Variants in GPHN observed in about 807,000 individuals in gnomAD.
GPHN encodes the protein gephyrin.
In GPHN, 17 loss-of-function variants were observed where a neutral mutation model predicts 95.5. The observed-to-expected ratio is 0.18, with a 90% CI of 0.12 to 0.27. GPHN has a LOEUF of 0.27. Among genes scored for constraint, GPHN ranks in the 10% least tolerant of loss-of-function variants. The pLI is 1.00. For missense variants in GPHN, 660 were observed against 978.1 expected, an observed-to-expected ratio of 0.67 and a Z score of 4.34; for synonymous variants, 320 against 322.5, an observed-to-expected ratio of 0.99 and a Z score of 0.08.
At chr14:66,997,891 T>C (rs1388461013) in intron 9 of GPHN, among the ~76,000 whole-genome samples, 1 of 152,212 alleles carries the variant, frequency 6.6e-6, no homozygotes, top group African/African-American at 2.4e-5. Context: ...GTTGGTATCA[T>C]CTCATCACCA....
At chr14:67,347,590 C>T in the GPHN span, 1 of 688,096 alleles carries the variant, frequency 1.5e-6, no homozygotes, top group South Asian at 1.9e-5. Flanking sequence ...CAACCTCTGC[C>T]TCCCAGGTTC....
chr14:67,729,345 T>C, the GPHN span: 1 of 1,598,670 alleles, frequency 6.3e-7, no homozygotes, highest in Non-Finnish European at 8.5e-7. Flanking sequence ...GCGCCCTGGC[T>C]GAGGGCCTGG....
In GPHN at chr14:66,686,159, A is replaced by G. The variant is rs558373060; in HGVS notation, c.143+4974A>G. ...GGTTTGGTTACTGTAGCCTTGTAGT[A>G]TAGTTTGAAGTCAGGTAGCATGATG... On this transcript the variant is annotated intron_variant, in intron 2 of 22. Coordinates refer to ENST00000478722, the MANE Select transcript of GPHN (RefSeq NM_020806.5). 6.6e-5 allele frequency among the ~76,000 whole-genome samples: 10 copies of G among 152,244 alleles called. No individual in the cohort carries two copies. The South Asian group carries it at 1.5e-3, about 22-fold the overall frequency.
In GPHN at chr14:66,776,329, G is replaced by A. The variant is rs559438043; in HGVS notation, c.144-135G>A. On this transcript the variant is annotated intron_variant, in intron 2 of 22. Coordinates refer to ENST00000478722, the MANE Select transcript of GPHN (RefSeq NM_020806.5). ...TACATGGAAAATATATGCACAAAAT[G>A]GTTGTTTTTCCTCCATGGTTGTTGG... The A allele has an allele frequency of 9.8e-6, 7 of 712,352 alleles. No individual in the cohort carries two copies. The African/African-American group carries it at 1.2e-4, about 12-fold the overall frequency. The allele number at this position is 712,352 out of a possible 1,614,324, so 44.1% of individuals were successfully genotyped here.
the GPHN span, among the ~76,000 whole-genome samples, chr14:67,244,454 AATGAT>A: frequency 4.6e-5 from 7 of 152,244 alleles, no homozygotes; most frequent in African/African-American, 1.7e-4. Context: ...GTGGATGAGA[AATGAT>A]ATAATTGCTT....
chr14:67,583,166 A>C, the GPHN span, among the ~76,000 whole-genome samples: 1 of 152,236 alleles, frequency 6.6e-6, no homozygotes, highest in South Asian at 2.1e-4. Context: ...CTGGAAAGGA[A>C]GAGGAAACAG....
At chr14:66,757,435 G>T (rs930772062) in intron 2 of GPHN, among the ~76,000 whole-genome samples, 16 of 152,020 alleles carry the variant, frequency 1.1e-4, no homozygotes, top group African/African-American at 3.9e-4. Flanking sequence ...TGTCACCCAG[G>T]CTGGAGTGCT....
At chr14:67,114,300 G>A (rs2078548854) in intron 16 of GPHN, among the ~76,000 whole-genome samples, 2 of 152,120 alleles carry the variant, frequency 1.3e-5, no homozygotes, top group South Asian at 2.1e-4. Flanking sequence ...ATAAATTTTT[G>A]TTAAACTGGT....
At chr14:66,564,753 G>A (rs1041037314) in intron 1 of GPHN, among the ~76,000 whole-genome samples, 18 of 152,142 alleles carry the variant, frequency 1.2e-4, no homozygotes, top group South Asian at 6.2e-4. Context: ...GTGTGTGTGC[G>A]TGTGCATGCA....
the GPHN span, chr14:67,569,910 T>C: frequency 6.3e-7 from 1 of 1,580,860 alleles, no homozygotes; most frequent in Non-Finnish European, 8.7e-7. Flanking sequence ...ATTCCTCTCT[T>C]CCCTGCTCAG....
intron 9 of GPHN, among the ~76,000 whole-genome samples, chr14:66,977,158 G>A (rs1231415728): frequency 6.6e-6 from 1 of 152,104 alleles, no homozygotes; most frequent in Admixed American, 6.5e-5. Context: ...CAGGCCGGGC[G>A]CGGTGGCTCA....
At chr14:67,507,999 G>T in the GPHN span, among the ~76,000 whole-genome samples, 1 of 152,050 alleles carries the variant, frequency 6.6e-6, no homozygotes, top group Non-Finnish European at 1.5e-5. Context: ...TTAGCCGGAC[G>T]TGGGGGCGCA....
At chr14:66,567,885 A>G (rs1396141157) in intron 1 of GPHN, among the ~76,000 whole-genome samples, 1 of 152,178 alleles carries the variant, frequency 6.6e-6, no homozygotes, top group South Asian at 2.1e-4. Flanking sequence ...AAAAAAATAT[A>G]AGATGTATTC....
rs534576597 is a variant in GPHN, at chr14:66,942,844, G to T, written c.828+18552G>T. On this transcript the variant is annotated intron_variant, in intron 8 of 22. Coordinates refer to ENST00000478722, the MANE Select transcript of GPHN (RefSeq NM_020806.5). ...AAAAACAATTTTGAAACTGAAGTTT[G>T]ATTTTGGGAAGCCTATTAAATATAT... 3.8e-3 allele frequency among the ~76,000 whole-genome samples: 578 copies of T among 152,266 alleles called. 4 individuals are homozygous for T. The highest frequency in any genetic ancestry group is 5.4e-3 in the Non-Finnish European group (367 of 68,010).
chr14:67,494,219 A>C, the GPHN span, among the ~76,000 whole-genome samples: 680 of 152,330 alleles, frequency 4.5e-3, 14 homozygotes, highest in Non-Finnish European at 3.4e-3. Context: ...ATGTTATCTC[A>C]GTCAGTCTCT....
intron 8 of GPHN, among the ~76,000 whole-genome samples, chr14:66,962,324 A>G (rs899441579): frequency 2.0e-5 from 3 of 149,502 alleles, no homozygotes; most frequent in Non-Finnish European, 4.5e-5. Flanking sequence ...TATCTCCAGC[A>G]TAGGCAGTTT....
At position 67,134,825 on chromosome 14, in the gene GPHN, TTTCTTTCTTTTTCC is replaced by T. The variant is rs1351241996; in HGVS notation, c.1749-8526_1749-8513del. Among the ~76,000 whole-genome samples, 6 of 151,900 alleles carry T rather than the reference TTTCTTTCTTTTTCC, an allele frequency of 3.9e-5. 1 individual carries two copies. In the South Asian group the frequency reaches 1.3e-3, roughly 32 times the overall value. The stretch of plus-strand genomic sequence containing the variant: ...TTTGCCCTACTTGTTATTTTCTTTC[TTTCTTTCTTTTTCC>T]TTCTTTCTTTCTCTTTCTCTTTCTT... On this transcript the variant is annotated intron_variant, in intron 17 of 22. Transcript: ENST00000478722.
At position 66,875,030 on chromosome 14, in the gene GPHN, G is replaced by A. The variant is rs2063590678; in HGVS notation, c.295-4909G>A. On this transcript the variant is annotated intron_variant, in intron 4 of 22. Coordinates refer to ENST00000478722, the MANE Select transcript of GPHN (RefSeq NM_020806.5). ...AGAGAAAGGTCAGGTTACCCACAAG[G>A]AAGCCCATCAAGCTAATGGCAGATC... Among the ~76,000 whole-genome samples, 4 of 152,146 alleles carry A rather than the reference G, an allele frequency of 2.6e-5. No individual in the cohort carries two copies. In the South Asian group the frequency reaches 8.3e-4, roughly 32 times the overall value.
the GPHN span, among the ~76,000 whole-genome samples, chr14:67,626,517 C>A: frequency 2.0e-5 from 3 of 152,172 alleles, no homozygotes; most frequent in Non-Finnish European, 4.4e-5. Context: ...CATATATTCA[C>A]ACAAACTTTT....
Sources: gnomAD v4.1 joint callset for allele counts (sites outside exome capture counted in the v4.1 genomes callset) on GRCh38, gnomAD v4.1.1 for gene constraint, MANE v1.5 for transcripts, NCBI Gene and HGNC (gene_info 2026-07-23, HGNC 2026-07-21) for gene names.